COL5A1: variants seen among roughly 807,000 people sequenced by gnomAD.
COL5A1 encodes the protein collagen type V alpha 1 chain, also known as collagen alpha-1(V) chain.
A neutral mutation model predicts 263.7 loss-of-function variants in COL5A1; 16 were observed. The observed-to-expected ratio is 0.06, with a 90% confidence interval of 0.04 to 0.09. COL5A1 has a LOEUF of 0.09. Among genes scored for constraint, COL5A1 ranks in the 10% least tolerant of loss-of-function variants. The pLI, the probability that COL5A1 is intolerant of heterozygous loss-of-function variation, is 1.00. For missense variants in COL5A1, 2,036 were observed against 2,540.5 expected, an observed-to-expected ratio of 0.80 and a Z score of 4.27; for synonymous variants, 1,012 against 1,004.5, an observed-to-expected ratio of 1.01 and a Z score of -0.14.
rs1245392135 is a variant in COL5A1, at chr9:134,669,058, A to G, written c.110-21854A>G. On this transcript the variant is annotated intron_variant, in intron 1 of 65. Transcript: ENST00000371817. ...TACTCACCTATCCATTCATCTACTC[A>G]TCCTTCCATCCATCCATCCACCCAT... is the stretch of plus-strand genomic sequence containing the variant. 4.8e-5 allele frequency among the ~76,000 whole-genome samples: 7 copies of G among 147,320 alleles called. No homozygotes were observed. In the South Asian group the frequency reaches 1.5e-3, roughly 32 times the overall value.
chr9:134,738,556 C>T (rs1835186645), intron 10 of COL5A1, 41 bp downstream of exon 10: 3 of 1,613,514 alleles, frequency 1.9e-6, no homozygotes, highest in Middle Eastern at 1.6e-4. Context: ...AGAAGGTGCT[C>T]TTGGTGGGGT....
chr9:134,806,247 G>A lies in COL5A1; in HGVS notation c.3317G>A (p.Arg1106Lys), dbSNP rs1838292501. ...GCTGGGCCCATCGGAATTCCAGGGA[G>A]ACCTGGGCCCCAGGGACCCCCAGGG... ...GAAGPIGIPG[R>K]PGPQGPPGPA... is the part of the protein sequence containing the mutation. The change falls in exon 42 of 66, where the codon AGA (arginine) becomes AAA (lysine). Residue 1106 changes from arginine to lysine, a missense_variant. By Grantham distance (26) the Arg-to-Lys change is conservative (BLOSUM62 2). Transcript: ENST00000371817. The A allele has an allele frequency of 1.3e-6, 2 of 1,550,338 alleles. No individual in the cohort carries two copies. The highest frequency in any genetic ancestry group is 1.7e-6 in the Non-Finnish European group (2 of 1,146,884).
intron 4 of COL5A1, among the ~76,000 whole-genome samples, chr9:134,706,929 G>C (rs1381492624): frequency 6.6e-6 from 1 of 152,210 alleles, no homozygotes; most frequent in Non-Finnish European, 1.5e-5. Flanking sequence ...CCCTGTCCCA[G>C]CACCTTCCCC....
At chr9:134,750,362 G>A (rs1019239989) in intron 11 of COL5A1, among the ~76,000 whole-genome samples, 180 bp from the exon 12 acceptor site, 4 of 152,118 alleles carry the variant, frequency 2.6e-5, no homozygotes, top group Non-Finnish European at 1.5e-5. Flanking sequence ...GCCCACAGCC[G>A]TGCCCCTCCC....
chr9:134,683,292 CCTT>C (rs1308034350), intron 1 of COL5A1, among the ~76,000 whole-genome samples: 2 of 152,194 alleles, frequency 1.3e-5, no homozygotes, highest in African/African-American at 2.4e-5. Context: ...CACCTCCAAA[CCTT>C]CTGCCCTTGG....
At chr9:134,771,436 G>A (rs74400012) in intron 25 of COL5A1, among the ~76,000 whole-genome samples, 12,180 of 152,284 alleles carry the variant, frequency 0.08, 657 homozygotes, top group Non-Finnish European at 0.12. Context: ...CTGGAGCAGC[G>A]GGTGAGGTCC....
intron 63 of COL5A1, 113 bp downstream of exon 63, chr9:134,826,017 T>G: frequency 1.5e-6 from 1 of 664,536 alleles, no homozygotes; most frequent in Non-Finnish European, 2.7e-6. Flanking sequence ...AAGCCAGAAA[T>G]GAATCCGTTT....
chr9:134,663,703 G>A (rs1476919299), intron 1 of COL5A1, among the ~76,000 whole-genome samples: 2 of 152,224 alleles, frequency 1.3e-5, no homozygotes, highest in African/African-American at 4.8e-5. Flanking sequence ...GGTGGCGGAT[G>A]GGGAACGCCT....
At chr9:134,766,895 G>T in intron 22 of COL5A1, 105 bp from the exon 23 acceptor site, 2 of 1,100,266 alleles carry the variant, frequency 1.8e-6, no homozygotes, top group South Asian at 1.3e-5. Context: ...AGGCAGTGGG[G>T]AGCAGTTTGA....
At chr9:134,780,523 C>T (rs773056219) in intron 28 of COL5A1, among the ~76,000 whole-genome samples, 16 of 152,130 alleles carry the variant, frequency 1.1e-4, no homozygotes, top group African/African-American at 3.4e-4. Flanking sequence ...GCCGCTGGCA[C>T]GAGGGTCCAC....
intron 18 of COL5A1, among the ~76,000 whole-genome samples, chr9:134,761,538 G>A (rs985169723): frequency 6.6e-6 from 1 of 152,252 alleles, no homozygotes; most frequent in Non-Finnish European, 1.5e-5. Context: ...CTGCGTGCGA[G>A]CTCTGAGGCT....
rs895473521 is a variant in COL5A1, at chr9:134,677,111, G to A, written c.110-13801G>A. Among the ~76,000 whole-genome samples the A allele has an allele frequency of 2.6e-5, 4 of 152,126 alleles. No homozygotes were observed. Among genetic ancestry groups the A allele is most frequent in the Non-Finnish European group, 4.4e-5 (3 of 68,034 alleles). ...AGAGGCAGGGACACCAGGAAGCGGC[G>A]GTCCATCCCCTCGTGATTGGTGGCA... On this transcript the variant is annotated intron_variant, in intron 1 of 65. Coordinates refer to ENST00000371817, the MANE Select transcript of COL5A1 (RefSeq NM_000093.5). The surrounding 1 kb of genome is among the most constrained non-coding windows in gnomAD (Gnocchi z 4.4).
rs1341923626 is a variant in COL5A1 at position 134,700,871 on chromosome 9, C to A, written c.492-300C>A. ...AGGGACCACACTCCTGGGTCCCGAGCCAGTGCCGAGTGCTGTGTGCTCCCC... is the reference window on the plus strand; with the variant it reads ...AGGGACCACACTCCTGGGTCCCGAGACAGTGCCGAGTGCTGTGTGCTCCCC... On this transcript the variant is annotated intron_variant, in intron 3 of 65. Transcript: ENST00000371817. This position sits in a 1 kb window ranked among gnomAD's most constrained non-coding sequence, Gnocchi z 4.0. Among the ~76,000 whole-genome samples, 1 of 152,158 alleles carries A rather than the reference C, an allele frequency of 6.6e-6. No homozygotes were observed. Among genetic ancestry groups the A allele is most frequent in the Non-Finnish European group, 1.5e-5 (1 of 68,024 alleles).
At chr9:134,804,940 G>C (rs1248344072) in intron 39 of COL5A1, 35 bp from the exon 40 acceptor site, 2 of 1,582,982 alleles carry the variant, frequency 1.3e-6, no homozygotes, top group South Asian at 2.2e-5. Flanking sequence ...TGCGTCACTG[G>C]CTCCAGGAAA....
At chr9:134,659,215 T>C (rs1832125820) in intron 1 of COL5A1, among the ~76,000 whole-genome samples, 1 of 152,114 alleles carries the variant, frequency 6.6e-6, no homozygotes, top group South Asian at 2.1e-4. Context: ...GGTGAAACCC[T>C]GTCTCTACTA....
At position 134,814,851 on chromosome 9, in the gene COL5A1, G is replaced by A. The variant is rs1034436638; in HGVS notation, c.3961G>A (p.Gly1321Arg). 14 of 1,551,408 alleles carry A rather than the reference G, an allele frequency of 9.0e-6. No individual in the cohort carries two copies. The highest frequency in any genetic ancestry group is 5.9e-5 in the South Asian group (5 of 84,090). The change falls in exon 50 of 66, where the codon GGA (glycine) becomes AGA (arginine). Residue 1321 changes from glycine (G) to arginine (R), a missense_variant. Gly to Arg is a moderately radical substitution (Grantham distance 125). Around this residue, in one of 3 missense-constraint regions of COL5A1, gnomAD observed 1,078 missense variants for 1,521.4 expected, o/e 0.71. Transcript: ENST00000371817. The part of the protein sequence containing the change: ...KGESGPSGAA[G>R]PPGPKGPPGD... The stretch of plus-strand genomic sequence containing the variant: ...CGAGTCAGGCCCTTCAGGTGCTGCC[G>A]GACCCCCTGGACCCAAAGGCCCTCC...
chr9:134,753,759 T>TCCCCCCTCCCCCCCCCCCCCCCCCCCC (rs1835873791), intron 14 of COL5A1, 91 bp from the exon 15 acceptor site: 1 of 539,508 alleles, frequency 1.9e-6, no homozygotes, highest in Non-Finnish European at 3.7e-6. Context: ...CCCTGTCCCC[T>TCCCCCCTCCCCCCCCCCCCCCCCCCCC]CCCCCTGCCC....
chr9:134,807,094 C>T lies in COL5A1; in HGVS notation c.3366+798C>T, dbSNP rs375313387. ...CGTCCAGAAGTGGTCCACCCTGACC[C>T]GTATTTGGCTTCTGCCACACAATTT... On this transcript the variant is annotated intron_variant, in intron 42 of 65. Coordinates refer to ENST00000371817, the MANE Select transcript of COL5A1 (RefSeq NM_000093.5). 6.6e-5 allele frequency among the ~76,000 whole-genome samples: 10 copies of T among 152,320 alleles called. No homozygotes were observed. In the South Asian group the frequency reaches 1.2e-3, roughly 19 times the overall value.
rs773125713 is a variant in COL5A1 at position 134,818,887 on chromosome 9, C to T, written c.4378C>T (p.Pro1460Ser). The T allele has an allele frequency of 6.2e-7, 1 of 1,611,766 alleles. No individual in the cohort carries two copies. Among genetic ancestry groups the T allele is most frequent in the South Asian group, 1.1e-5 (1 of 91,018 alleles). Residue 1460 changes from proline (P) to serine (S), a missense_variant, in exon 56 of 66, where the codon CCC becomes TCC. By Grantham distance (74) the Pro-to-Ser change is moderately conservative (BLOSUM62 -1). Around this residue, in one of 3 missense-constraint regions of COL5A1, gnomAD observed 1,078 missense variants for 1,521.4 expected, o/e 0.71. Coordinates refer to ENST00000371817, the MANE Select transcript of COL5A1 (RefSeq NM_000093.5). The surrounding 1 kb of genome is among the most constrained non-coding windows in gnomAD (Gnocchi z 6.0). ...GLPGSPGPDGPPGPMGPPGLP... is the reference protein window; with the variant it reads ...GLPGSPGPDGSPGPMGPPGLP... ...CCCAGGATCCCCAGGCCCGGACGGT[C>T]CCCCCGGCCCCATGGTGAGTCACAT...
Sources: allele counts gnomAD v4.1 joint callset (sites outside exome capture counted in the v4.1 genomes callset), GRCh38; gene constraint gnomAD v4.1.1; regional missense constraint gnomAD v4.1.1; non-coding constraint Gnocchi (gnomAD v3.1); transcripts MANE v1.5; gene names NCBI Gene and HGNC (gene_info 2026-07-23, HGNC 2026-07-21).